Variants in DDX31 observed in about 807,000 individuals in gnomAD.
DDX31 encodes the protein ATP-dependent DNA helicase DDX31.
Under a neutral mutation model 91.3 loss-of-function variants are expected in DDX31, and 70 were observed. The observed-to-expected ratio is 0.77, with a 90% CI of 0.63 to 0.94. The LOEUF (loss-of-function observed/expected upper bound fraction) is 0.94, where lower values mean the gene tolerates loss of function less well. Ranked by LOEUF, DDX31 falls within the 40% of genes least tolerant of loss-of-function variation. DDX31 has a pLI of 0.00. For synonymous variants in DDX31, 362 were observed against 350.6 expected (o/e 1.03, Z -0.36); for missense variants, 902 against 925.0 (o/e 0.98, Z 0.32).
intron 13 of DDX31, among the ~76,000 whole-genome samples, chr9:132,643,113 C>G (rs1833602265): frequency 6.6e-6 from 1 of 152,182 alleles, no homozygotes; most frequent in African/African-American, 2.4e-5. Flanking sequence ...CGTGAGCCAC[C>G]TCGCCCTGCT....
intron 1 of DDX31, among the ~76,000 whole-genome samples, chr9:132,669,261 C>G (rs1211456784): frequency 7.2e-6 from 1 of 138,614 alleles, no homozygotes; most frequent in Admixed American, 7.1e-5. Context: ...CGCCCGCCCC[C>G]CCCAAAGAAC....
At chr9:132,614,697 G>T (rs2119328096) in intron 18 of DDX31, among the ~76,000 whole-genome samples, 2 of 152,252 alleles carry the variant, frequency 1.3e-5, no homozygotes, top group Middle Eastern at 6.8e-3. Context: ...TATGAGCTGA[G>T]CACTGAGAGC....
chr9:132,631,452 T>C (rs1832712801), intron 15 of DDX31, among the ~76,000 whole-genome samples: 2 of 152,050 alleles, frequency 1.3e-5, no homozygotes. Context: ...GCAATCCCAC[T>C]AAAATGTGAA....
intron 17 of DDX31, among the ~76,000 whole-genome samples, chr9:132,623,537 G>A (rs1333112326): frequency 7.6e-6 from 1 of 131,044 alleles, no homozygotes; most frequent in South Asian, 2.5e-4. Context: ...TGGCGATAGA[G>A]CGAGACTCCA....
intron 18 of DDX31, among the ~76,000 whole-genome samples, chr9:132,616,370 A>T (rs759281406): frequency 1.3e-5 from 2 of 152,224 alleles, no homozygotes; most frequent in Non-Finnish European, 2.9e-5. Flanking sequence ...TGGTATTAAC[A>T]AGTTCAATGG....
At chr9:132,623,802 C>G (rs550179117) in intron 17 of DDX31, among the ~76,000 whole-genome samples, 2 of 152,138 alleles carry the variant, frequency 1.3e-5, no homozygotes. Flanking sequence ...CCAACAGATC[C>G]ACATCTGCTC....
chr9:132,593,822 A>C lies in DDX31; in HGVS notation c.*1044T>G, dbSNP rs1008963988. On this transcript the variant is annotated 3_prime_UTR_variant, in exon 20 of 20. Coordinates refer to ENST00000372159, the MANE Select transcript of DDX31 (RefSeq NM_022779.9). ...TCCTGGGGAGACCACAGAGGGCGGCACAGTCACTGCAGAGGAGAAGGAAAC... is the reference window on the plus strand; with the variant it reads ...TCCTGGGGAGACCACAGAGGGCGGCCCAGTCACTGCAGAGGAGAAGGAAAC... 6.6e-6 allele frequency: 1 copy of C among 152,464 alleles called. No individual in the cohort carries two copies. The highest frequency in any genetic ancestry group is 1.5e-5 in the Non-Finnish European group (1 of 68,276). 9.4% of individuals were successfully genotyped at this position (152,464 alleles called of 1,614,324 possible).
chr9:132,633,189 T>C (rs980115931), intron 14 of DDX31, among the ~76,000 whole-genome samples: 1 of 152,206 alleles, frequency 6.6e-6, no homozygotes, highest in Non-Finnish European at 1.5e-5. Flanking sequence ...CGAATCCAGG[T>C]CTGCTTTGCT....
At chr9:132,624,125 C>T (rs1202956334) in intron 17 of DDX31, among the ~76,000 whole-genome samples, 1 of 143,122 alleles carries the variant, frequency 7.0e-6, no homozygotes, top group Non-Finnish European at 1.5e-5. Context: ...CAAGATCGCG[C>T]CATTGCACTC....
intron 18 of DDX31, among the ~76,000 whole-genome samples, chr9:132,612,885 G>A (rs1831427972): frequency 6.6e-6 from 1 of 152,094 alleles, no homozygotes; most frequent in Non-Finnish European, 1.5e-5. Context: ...CCTGATACCA[G>A]TTTTTTGTGT....
chr9:132,654,318 A>C (rs1834411062), intron 6 of DDX31, among the ~76,000 whole-genome samples: 1 of 152,224 alleles, frequency 6.6e-6, no homozygotes, highest in African/African-American at 2.4e-5. Flanking sequence ...TCTTTAAAAA[A>C]AGACCAACTT....
At chr9:132,636,251 C>T (rs11243855) in intron 14 of DDX31, among the ~76,000 whole-genome samples, 45,623 of 152,134 alleles carry the variant, frequency 0.3, 7,200 homozygotes, top group Middle Eastern at 0.42. Flanking sequence ...AGAGCTGATG[C>T]CTTTGAGAAC....
At chr9:132,606,649 T>A (rs1344535501) in intron 19 of DDX31, among the ~76,000 whole-genome samples, 1 of 152,118 alleles carries the variant, frequency 6.6e-6, no homozygotes, top group Non-Finnish European at 1.5e-5. Context: ...AGTACCTCCC[T>A]TTGAGGCCAG....
chr9:132,643,563 G>C (rs768210580), intron 13 of DDX31, among the ~76,000 whole-genome samples: 9 of 152,140 alleles, frequency 5.9e-5, no homozygotes, highest in Admixed American at 5.9e-4. Context: ...CCATGTACCA[G>C]ACCTCACACG....
chr9:132,595,193 G>T lies in DDX31; in HGVS notation c.1995-81C>A. 6.6e-7 allele frequency: 1 copy of T among 1,516,600 alleles called. No homozygotes were observed. Among genetic ancestry groups the T allele is most frequent in the Non-Finnish European group, 8.9e-7 (1 of 1,127,832 alleles). 93.9% of individuals were successfully genotyped at this position (1,516,600 alleles called of 1,614,324 possible). A position where few individuals can be genotyped will look rare whatever the true frequency, so the allele number is the denominator to read the frequency against. On this transcript the variant is annotated intron_variant, in intron 19 of 19. Transcript: ENST00000372159. The surrounding 1 kb of genome is among the most constrained non-coding windows in gnomAD (Gnocchi z 4.6). The stretch of plus-strand genomic sequence containing the variant: ...TTTGGAAAGAGGCTGATAGCAGCTG[G>T]TTCTGAGACTGTGAAGCTGACATTT...
In DDX31 at chr9:132,648,250, A is replaced by G; in HGVS notation, c.906T>C (p.Asn302=). Residue 302 remains asparagine, a synonymous_variant, in exon 11 of 20, where the codon AAT becomes AAC. Coordinates refer to ENST00000372159, the MANE Select transcript of DDX31 (RefSeq NM_022779.9). The stretch of plus-strand genomic sequence containing the variant: ...GTTTTTGGCATTCAGCATTTACAGC[A>G]TTAAGTATCACTGTGATGTCCTTTT... ...GFEKDITVIL[N]AVNAECQKRQ... is the part of the protein sequence containing the mutation. The G allele has an allele frequency of 6.2e-7, 1 of 1,614,018 alleles. No homozygotes were observed. Among genetic ancestry groups the G allele is most frequent in the Non-Finnish European group, 8.5e-7 (1 of 1,179,984 alleles).
chr9:132,663,401 C>G lies in DDX31; in HGVS notation c.76-706G>C, dbSNP rs144558558. 1,311 of 985,348 alleles carry G rather than the reference C, an allele frequency of 1.3e-3. 13 individuals carry two copies. The African/African-American group carries it at 0.02, about 15-fold the overall frequency. The allele number at this position is 985,348 out of a possible 1,614,324, so 61.0% of individuals were successfully genotyped here. A position where few individuals can be genotyped will look rare whatever the true frequency, so the allele number is the denominator to read the frequency against. On this transcript the variant is annotated intron_variant, in intron 1 of 19. Coordinates refer to ENST00000372159, the MANE Select transcript of DDX31 (RefSeq NM_022779.9). The stretch of plus-strand genomic sequence containing the variant: ...CTTGCCTTTCGAGTCTCTGAGTCCC[C>G]GAGTCTCTGCCTGATTGCGGATTAC...
chr9:132,602,794 T>A (rs1369005629), intron 19 of DDX31, among the ~76,000 whole-genome samples: 1 of 152,202 alleles, frequency 6.6e-6, no homozygotes, highest in Admixed American at 6.5e-5. Flanking sequence ...ACGAAGATAC[T>A]CTGACAGTTT....
In DDX31 at chr9:132,628,880, C is replaced by T. The variant is rs984425434; in HGVS notation, c.1631+1384G>A. Among the ~76,000 whole-genome samples, 3 of 152,242 alleles carry T rather than the reference C, an allele frequency of 2.0e-5. No homozygotes were observed. In the South Asian group the frequency reaches 6.2e-4, roughly 31 times the overall value. Reference sequence around the variant, plus strand: ...CAACACAAAATTCTGAAGATGCTTTCTGCATGTACACAAATTCCTATGACA... The same window carrying T: ...CAACACAAAATTCTGAAGATGCTTTTTGCATGTACACAAATTCCTATGACA... On this transcript the variant is annotated intron_variant, in intron 16 of 19. Coordinates refer to ENST00000372159, the MANE Select transcript of DDX31 (RefSeq NM_022779.9).
Sources: allele counts gnomAD v4.1 joint callset (sites outside exome capture counted in the v4.1 genomes callset), GRCh38; gene constraint gnomAD v4.1.1; non-coding constraint Gnocchi (gnomAD v3.1); transcripts MANE v1.5; gene names NCBI Gene and HGNC (gene_info 2026-07-23, HGNC 2026-07-21).